The following ATP6V1C2 variants were observed in gnomAD, a reference collection of about 807,000 sequenced individuals.
ATP6V1C2 encodes the protein V-type proton ATPase subunit C 2.
In ATP6V1C2, 45 loss-of-function variants were observed where a neutral mutation model predicts 56.8. That is an observed-to-expected ratio of 0.79 (90% CI 0.62 to 1.02). ATP6V1C2 has a LOEUF of 1.02. ATP6V1C2 is among the 50% of genes least tolerant of loss of function. The probability of loss-of-function intolerance (pLI) is 0.00; values close to 1 mark genes in which losing one functional copy is unlikely to be tolerated. For synonymous variants in ATP6V1C2, 220 were observed against 201.3 expected, an observed-to-expected ratio of 1.09 and a Z score of -0.79; for missense variants, 463 against 519.7, an observed-to-expected ratio of 0.89 and a Z score of 1.06.
intron 10 of ATP6V1C2, among the ~76,000 whole-genome samples, chr2:10,775,472 G>C (rs1170946826): frequency 1.3e-5 from 2 of 152,228 alleles, no homozygotes; most frequent in African/African-American, 2.4e-5. Flanking sequence ...CCAGGCGGGA[G>C]CATCTGTGTG....
intron 3 of ATP6V1C2, among the ~76,000 whole-genome samples, chr2:10,727,618 G>A (rs1661718568): frequency 6.6e-6 from 1 of 152,086 alleles, no homozygotes; most frequent in African/African-American, 2.4e-5. Context: ...AAGGTTTCCG[G>A]CCAGGAGTGG....
chr2:10,771,321 A>G (rs1276049286), intron 6 of ATP6V1C2, among the ~76,000 whole-genome samples: 1 of 152,198 alleles, frequency 6.6e-6, no homozygotes, highest in Non-Finnish European at 1.5e-5. Context: ...ACCATACCCT[A>G]CACTCAGACC....
chr2:10,760,786 A>C (rs1240578468), intron 4 of ATP6V1C2, among the ~76,000 whole-genome samples: 1 of 152,230 alleles, frequency 6.6e-6, no homozygotes, highest in East Asian at 1.9e-4. Context: ...GGGGTGCTTC[A>C]GATGGAAAGG....
chr2:10,764,518 T>G, intron 5 of ATP6V1C2, 93 bp downstream of exon 5: 2 of 1,081,580 alleles, frequency 1.8e-6, no homozygotes, highest in Non-Finnish European at 2.8e-6. Flanking sequence ...CCTCAGCCTG[T>G]CCTGACTGGG....
chr2:10,770,777 ACTCC>A (rs756181511), intron 6 of ATP6V1C2, among the ~76,000 whole-genome samples: 1 of 152,050 alleles, frequency 6.6e-6, no homozygotes, highest in African/African-American at 2.4e-5. Flanking sequence ...AACGTTTCTA[ACTCC>A]CTCCTCTGCG....
chr2:10,783,296 T>C lies in ATP6V1C2; in HGVS notation c.*33T>C, dbSNP rs1359940077. 1 of 1,432,150 alleles carries C rather than the reference T, an allele frequency of 7.0e-7. No individual in the cohort carries two copies. The highest frequency in any genetic ancestry group is 9.9e-7 in the Non-Finnish European group (1 of 1,014,990). The allele number at this position is 1,432,150 out of a possible 1,614,324, so 88.7% of individuals were successfully genotyped here. The stretch of plus-strand genomic sequence containing the variant: ...AGCTGGCACCTCTGTCTCATGTTCG[T>C]GCAGATTATTACAGACACCTCTTTC... On this transcript the variant is annotated 3_prime_UTR_variant, in exon 14 of 14. Coordinates refer to ENST00000272238, the MANE Select transcript of ATP6V1C2 (RefSeq NM_001039362.2).
intron 5 of ATP6V1C2, among the ~76,000 whole-genome samples, chr2:10,766,139 T>A (rs552195239): frequency 1.3e-5 from 2 of 152,240 alleles, no homozygotes; most frequent in Admixed American, 1.3e-4. Flanking sequence ...AGCCTGCGGA[T>A]TGTGCTGTGT....
intron 6 of ATP6V1C2, among the ~76,000 whole-genome samples, chr2:10,769,251 A>G (rs1396334083): frequency 1.3e-5 from 2 of 152,154 alleles, no homozygotes; most frequent in African/African-American, 4.8e-5. Context: ...TGCCTTCTCC[A>G]CCCACCTGAA....
intron 4 of ATP6V1C2, among the ~76,000 whole-genome samples, chr2:10,757,055 C>T (rs1465804928): frequency 7.6e-6 from 1 of 131,940 alleles, no homozygotes; most frequent in African/African-American, 3.0e-5. Flanking sequence ...CTCTGTTACC[C>T]AGGCTGGAGT....
At chr2:10,757,003 C>CT (rs57191070) in intron 4 of ATP6V1C2, among the ~76,000 whole-genome samples, 1,425 of 81,512 alleles carry the variant, frequency 0.017, 244 homozygotes, top group Non-Finnish European at 0.019. Flanking sequence ...CATGAGGAGA[C>CT]TTTTTTTTTT....
intron 5 of ATP6V1C2, among the ~76,000 whole-genome samples, chr2:10,767,159 C>CTTTTTTTTTT (rs33943682): frequency 1.3e-4 from 14 of 109,328 alleles, no homozygotes; most frequent in South Asian, 2.9e-4. Flanking sequence ...CATTTTTTAT[C>CTTTTTTTTTT]TTTTTTTTTT....
chr2:10,733,159 C>G (rs1662059506), intron 3 of ATP6V1C2, among the ~76,000 whole-genome samples: 1 of 152,078 alleles, frequency 6.6e-6, no homozygotes, highest in African/African-American at 2.4e-5. Flanking sequence ...GCCTTCCTAT[C>G]AGGGGGAAGG....
rs186462305 is a variant in ATP6V1C2, at chr2:10,761,198, G to T, written c.284-3133G>T. Reference sequence around the variant, plus strand: ...AGGGAGTTGTGGGGACTTGCCTGGGGTGTCAGAGGGGACGGGGTAGGAGGT... The same window carrying T: ...AGGGAGTTGTGGGGACTTGCCTGGGTTGTCAGAGGGGACGGGGTAGGAGGT... On this transcript the variant is annotated intron_variant, in intron 4 of 13. Transcript: ENST00000272238. Among the ~76,000 whole-genome samples the T allele has an allele frequency of 4.0e-4, 61 of 152,244 alleles. No individual in the cohort carries two copies. The East Asian group carries it at 6.7e-3, about 17-fold the overall frequency.
At chr2:10,768,671 C>T (rs753450072) in intron 5 of ATP6V1C2, 48 bp from the exon 6 acceptor site, 2 of 1,527,380 alleles carry the variant, frequency 1.3e-6, no homozygotes, top group Non-Finnish European at 1.8e-6. Flanking sequence ...GTTCAGCCAA[C>T]TCCTTCAATG....
At chr2:10,741,633 T>G (rs1662556354) in intron 3 of ATP6V1C2, among the ~76,000 whole-genome samples, 1 of 152,066 alleles carries the variant, frequency 6.6e-6, no homozygotes, top group South Asian at 2.1e-4. Flanking sequence ...GGAGACTGGC[T>G]TTAGGGGAAG....
chr2:10,741,673 C>A (rs1662558276), intron 3 of ATP6V1C2, among the ~76,000 whole-genome samples: 1 of 150,280 alleles, frequency 6.7e-6, no homozygotes, highest in African/African-American at 2.5e-5. Flanking sequence ...TGACATGTGG[C>A]CACCAGTGAA....
At chr2:10,768,448 G>A (rs1320116364) in intron 5 of ATP6V1C2, among the ~76,000 whole-genome samples, 2 of 152,242 alleles carry the variant, frequency 1.3e-5, no homozygotes, top group South Asian at 2.1e-4. Context: ...AGGTGTGGGC[G>A]TGGGATGTCC....
intron 10 of ATP6V1C2, among the ~76,000 whole-genome samples, chr2:10,776,288 C>T (rs955917524): frequency 1.4e-5 from 2 of 141,170 alleles, no homozygotes; most frequent in African/African-American, 5.3e-5. Context: ...TGTGCGCGCG[C>T]ACGTGCATGT....
intron 3 of ATP6V1C2, among the ~76,000 whole-genome samples, chr2:10,742,002 C>T (rs1056469078): frequency 2.6e-5 from 4 of 151,844 alleles, no homozygotes; most frequent in Admixed American, 6.6e-5. Context: ...TCTCGCTTCC[C>T]GGGCTCAAGT....
Sources: gnomAD v4.1 joint callset for allele counts (sites outside exome capture counted in the v4.1 genomes callset) on GRCh38, gnomAD v4.1.1 for gene constraint, MANE v1.5 for transcripts, NCBI Gene and HGNC (gene_info 2026-07-23, HGNC 2026-07-21) for gene names.